The following ZMIZ2 variants were observed in gnomAD, a reference collection of about 807,000 sequenced individuals.
The protein encoded by ZMIZ2 is zinc finger MIZ-type containing 2.
A neutral mutation model predicts 93.9 loss-of-function variants in ZMIZ2; 26 were observed. The ratio of observed to expected loss-of-function variants is 0.28; its 90% CI spans 0.20 to 0.38. The LOEUF (loss-of-function observed/expected upper bound fraction) is 0.38. ZMIZ2 is among the 10% of genes least tolerant of loss of function. The probability of loss-of-function intolerance (pLI) is 1.00; values close to 1 mark genes in which losing one functional copy is unlikely to be tolerated. For missense variants in ZMIZ2, 1,023 were observed against 1,235.0 expected, an observed-to-expected ratio of 0.83 and a Z score of 2.57; for synonymous variants, 485 against 516.4, an observed-to-expected ratio of 0.94 and a Z score of 0.82.
intron 1 of ZMIZ2, among the ~76,000 whole-genome samples, chr7:44,753,559 A>T (rs544670129): frequency 1.4e-4 from 21 of 152,274 alleles, no homozygotes; most frequent in African/African-American, 5.1e-4. Context: ...AATTCTTTAT[A>T]TGTTCTAGAT....
In ZMIZ2 at chr7:44,766,363, C is replaced by A. The variant is rs1274370198; in HGVS notation, c.2412+30C>A. The A allele has an allele frequency of 6.2e-7, 1 of 1,606,936 alleles. No individual in the cohort carries two copies. Among genetic ancestry groups the A allele is most frequent in the Non-Finnish European group, 8.5e-7 (1 of 1,175,324 alleles). ...GTGCCAAGCCGAGAGGCCAAGGGGC[C>A]CTGTCTCCCCAGGGGAGCCCCTGAG... On this transcript the variant is annotated intron_variant, in intron 17 of 18. Coordinates refer to ENST00000309315, the MANE Select transcript of ZMIZ2 (RefSeq NM_031449.4). The surrounding 1 kb of genome is among the most constrained non-coding windows in gnomAD (Gnocchi z 4.4).
chr7:44,765,154 G>A lies in ZMIZ2; in HGVS notation c.1997+145G>A. On this transcript the variant is annotated intron_variant, in intron 15 of 18. Transcript: ENST00000309315. This position sits in a 1 kb window ranked among gnomAD's most constrained non-coding sequence, Gnocchi z 4.1. ...CTGGATTCCAGGCCAGAGACAGCGT[G>A]TGTGTCCTACCTGAGTGTTGGTGCT... 1 of 1,433,624 alleles carries A rather than the reference G, an allele frequency of 7.0e-7. No individual in the cohort carries two copies. The highest frequency in any genetic ancestry group is 1.3e-5 in the South Asian group (1 of 77,796). The allele number at this position is 1,433,624 out of a possible 1,614,324, so 88.8% of individuals were successfully genotyped here.
chr7:44,760,173 A>G lies in ZMIZ2; in HGVS notation c.1016A>G (p.Gln339Arg), dbSNP rs1281881769. The G allele has an allele frequency of 6.8e-6, 11 of 1,613,758 alleles. No individual in the cohort carries two copies. Among genetic ancestry groups the G allele is most frequent in the African/African-American group, 1.3e-5 (1 of 74,904 alleles). The change falls in exon 8 of 19, where the codon CAG becomes CGG. Residue 339 changes from glutamine (Q) to arginine (R), a missense_variant. Gln to Arg is a conservative substitution (Grantham distance 43). Around this residue, in one of 3 missense-constraint regions of ZMIZ2, gnomAD observed 656 missense variants for 777.1 expected, o/e 0.84. Coordinates refer to ENST00000309315, the MANE Select transcript of ZMIZ2 (RefSeq NM_031449.4). ...HYKPTEQFNG[Q>R]GASFNGGSVS... ...CAGCCCACAGAGCAGTTCAACGGGC[A>G]GGGCGCCAGCTTCAACGGGGGCAGC...
In ZMIZ2 at chr7:44,764,923, C is replaced by T. The variant is rs368100130; in HGVS notation, c.1929-18C>T. 33 of 1,613,964 alleles carry T rather than the reference C, an allele frequency of 2.0e-5. No homozygotes were observed. In the African/African-American group the frequency reaches 4.1e-4, roughly 20 times the overall value. ...GTTGTGCAAGGTCTCTGAGCTGTGT[C>T]CCTTTTTTTCCCCACAGCAAGACAG... On this transcript the variant is annotated intron_variant, in intron 14 of 18. Coordinates refer to ENST00000309315, the MANE Select transcript of ZMIZ2 (RefSeq NM_031449.4).
Position 44,761,905 on chromosome 7 carries a change from C to G in ZMIZ2, c.1596C>G (p.Cys532Trp). Residue 532 changes from cysteine (C) to tryptophan (W), a missense_variant and splice_region_variant, in exon 11 of 19, where the codon TGC becomes TGG. Physicochemically the swap from Cys to Trp is radical, Grantham distance 215 (BLOSUM62 -2). This residue lies in a region of ZMIZ2 where 656 missense variants were observed against 777.1 expected (regional missense o/e 0.84). Coordinates refer to ENST00000309315, the MANE Select transcript of ZMIZ2 (RefSeq NM_031449.4). The surrounding 1 kb of genome is among the most constrained non-coding windows in gnomAD (Gnocchi z 5.8). ...AGATCACCGTCACCGCCTGCTGCTG[C>G]GTGCGTGTCCTGCGCCGAGGGGGCG... ...TIQITVTACCCSHLFVLQLVH... is the reference protein window; with the variant it reads ...TIQITVTACCWSHLFVLQLVH... 6.6e-7 allele frequency: 1 copy of G among 1,505,326 alleles called. No individual in the cohort carries two copies. Among genetic ancestry groups the G allele is most frequent in the Non-Finnish European group, 9.0e-7 (1 of 1,111,022 alleles). 93.2% of individuals were successfully genotyped at this position (1,505,326 alleles called of 1,614,324 possible). A position where few individuals can be genotyped will look rare whatever the true frequency, so the allele number is the denominator to read the frequency against.
rs1313268421 is a variant in ZMIZ2 at position 44,765,882 on chromosome 7, C to G, written c.2243-282C>G. 1 of 1,363,468 alleles carries G rather than the reference C, an allele frequency of 7.3e-7. No homozygotes were observed. Among genetic ancestry groups the G allele is most frequent in the African/African-American group, 1.5e-5 (1 of 68,266 alleles). The allele number at this position is 1,363,468 out of a possible 1,614,324, so 84.5% of individuals were successfully genotyped here. A position where few individuals can be genotyped will look rare whatever the true frequency, so the allele number is the denominator to read the frequency against. Reference sequence around the variant, plus strand: ...TCACAGGACTGGCCCCATCTGGGGCCCCCCTCTGGGACCCACCTCACACGC... The same window carrying G: ...TCACAGGACTGGCCCCATCTGGGGCGCCCCTCTGGGACCCACCTCACACGC... On this transcript the variant is annotated intron_variant, in intron 16 of 18. Coordinates refer to ENST00000309315, the MANE Select transcript of ZMIZ2 (RefSeq NM_031449.4). This position sits in a 1 kb window ranked among gnomAD's most constrained non-coding sequence, Gnocchi z 4.1.
In ZMIZ2 at chr7:44,757,968, T is replaced by G; in HGVS notation, c.673T>G (p.Ser225Ala). Reference sequence around the variant, plus strand: ...AGGGGTAATGGGCCCCTCTGGCCTCTCCCCCTTGGCTATGAACCCCACCCG... The same window carrying G: ...AGGGGTAATGGGCCCCTCTGGCCTCGCCCCCTTGGCTATGAACCCCACCCG... The part of the protein sequence containing the change: ...IGGVMGPSGL[S>A]PLAMNPTRAA... Residue 225 changes from serine (S) to alanine (A), a missense_variant, in exon 6 of 19, where the codon TCC becomes GCC. Around this residue, in one of 3 missense-constraint regions of ZMIZ2, gnomAD observed 656 missense variants for 777.1 expected, o/e 0.84. Transcript: ENST00000309315. The G allele has an allele frequency of 6.2e-7, 1 of 1,611,618 alleles. No homozygotes were observed. Among genetic ancestry groups the G allele is most frequent in the African/African-American group, 1.3e-5 (1 of 75,010 alleles).
Position 44,762,060 on chromosome 7 carries a change from A to G in ZMIZ2, c.1596+155A>G, listed in dbSNP as rs201119917. 8 of 1,013,450 alleles carry G rather than the reference A, an allele frequency of 7.9e-6. No homozygotes were observed. The East Asian group carries it at 2.2e-4, about 28-fold the overall frequency. The allele number at this position is 1,013,450 out of a possible 1,614,324, so 62.8% of individuals were successfully genotyped here. Reference sequence around the variant, plus strand: ...CCAGGACATGGGCGGGCCGGCCTGCAGCACCATCAGATCATGCCGCCGTCT... The same window carrying G: ...CCAGGACATGGGCGGGCCGGCCTGCGGCACCATCAGATCATGCCGCCGTCT... On this transcript the variant is annotated intron_variant, in intron 11 of 18. Coordinates refer to ENST00000309315, the MANE Select transcript of ZMIZ2 (RefSeq NM_031449.4).
chr7:44,763,454 C>T lies in ZMIZ2; in HGVS notation c.1860+41C>T, dbSNP rs1791401025. On this transcript the variant is annotated intron_variant, in intron 13 of 18. Transcript: ENST00000309315. The surrounding 1 kb of genome is among the most constrained non-coding windows in gnomAD (Gnocchi z 5.6). ...AGAGTCTTGCCGGAATTTGCTGCTG[C>T]TAAAATATCTTGAGTCGATACATCA... 6.2e-7 allele frequency: 1 copy of T among 1,609,316 alleles called. No homozygotes were observed. The highest frequency in any genetic ancestry group is 8.5e-7 in the Non-Finnish European group (1 of 1,176,932).
chr7:44,766,710 G>T lies in ZMIZ2; in HGVS notation c.2655+47G>T, dbSNP rs1791747826. On this transcript the variant is annotated intron_variant, in intron 18 of 18. Transcript: ENST00000309315. The surrounding 1 kb of genome is among the most constrained non-coding windows in gnomAD (Gnocchi z 4.4). ...GGGGAGTGCGTGGGAGCCAGGGCTA[G>T]AGGTGGTGTGTCTGTTCCAGGTGCG... 1.2e-6 allele frequency: 2 copies of T among 1,602,310 alleles called. No homozygotes were observed. Among genetic ancestry groups the T allele is most frequent in the East Asian group, 4.5e-5 (2 of 44,626 alleles).
chr7:44,767,712 T>A lies in ZMIZ2; in HGVS notation c.*89T>A. 8.1e-7 allele frequency: 1 copy of A among 1,231,922 alleles called. No homozygotes were observed. Among genetic ancestry groups the A allele is most frequent in the Non-Finnish European group, 1.2e-6 (1 of 851,088 alleles). The allele number at this position is 1,231,922 out of a possible 1,614,324, so 76.3% of individuals were successfully genotyped here. A position where few individuals can be genotyped will look rare whatever the true frequency, so the allele number is the denominator to read the frequency against. Reference sequence around the variant, plus strand: ...ATGCCCAGCCCCATGGGACACCCGGTGGTCTTTCCCAAACCTCCCCCAAAA... The same window carrying A: ...ATGCCCAGCCCCATGGGACACCCGGAGGTCTTTCCCAAACCTCCCCCAAAA... On this transcript the variant is annotated 3_prime_UTR_variant, in exon 19 of 19. Coordinates refer to ENST00000309315, the MANE Select transcript of ZMIZ2 (RefSeq NM_031449.4).
intron 1 of ZMIZ2, among the ~76,000 whole-genome samples, chr7:44,754,052 CCA>C (rs1790380511): frequency 1.3e-5 from 2 of 152,194 alleles, no homozygotes; most frequent in African/African-American, 4.8e-5. Flanking sequence ...CATGTTGGTA[CCA>C]CACAGTTTTG....
At chr7:44,762,834 G>A in intron 11 of ZMIZ2, 47 bp from the exon 12 acceptor site, 1 of 1,510,812 alleles carries the variant, frequency 6.6e-7, no homozygotes, top group Non-Finnish European at 9.0e-7. Flanking sequence ...GGCCAGGGTG[G>A]CCCCTGGCCC....
At chr7:44,767,480 G>T in intron 18 of ZMIZ2, 36 bp from the exon 19 acceptor site, 1 of 1,568,122 alleles carries the variant, frequency 6.4e-7, no homozygotes, top group South Asian at 1.1e-5. Flanking sequence ...GCCAGTCAGT[G>T]ACCAAAGCTG....
At chr7:44,760,848 T>TAA (rs11323295) in intron 9 of ZMIZ2, among the ~76,000 whole-genome samples, 4 of 136,136 alleles carry the variant, frequency 2.9e-5, no homozygotes, top group African/African-American at 8.2e-5. Flanking sequence ...GACCCTGTCT[T>TAA]AAAAAAAAAA....
At position 44,766,493 on chromosome 7, in the gene ZMIZ2, G is replaced by A; in HGVS notation, c.2485G>A (p.Ala829Thr). The A allele has an allele frequency of 6.2e-7, 1 of 1,614,128 alleles. No individual in the cohort carries two copies. Among genetic ancestry groups the A allele is most frequent in the Non-Finnish European group, 8.5e-7 (1 of 1,180,024 alleles). Residue 829 changes from alanine (A) to threonine (T), a missense_variant, in exon 18 of 19, where the codon GCC (alanine) becomes ACC (threonine). Coordinates refer to ENST00000309315, the MANE Select transcript of ZMIZ2 (RefSeq NM_031449.4). The surrounding 1 kb of genome is among the most constrained non-coding windows in gnomAD (Gnocchi z 4.4). The part of the protein sequence containing the change: ...TPGLHTSNLG[A>T]PPGPQLHHSN... Reference sequence around the variant, plus strand: ...AGGACTACACACCTCCAACCTTGGGGCCCCTCCAGGTCCCCAGCTGCACCA... The same window carrying A: ...AGGACTACACACCTCCAACCTTGGGACCCCTCCAGGTCCCCAGCTGCACCA...
At chr7:44,764,343 A>C in intron 13 of ZMIZ2, 76 bp from the exon 14 acceptor site, 1 of 1,394,156 alleles carries the variant, frequency 7.2e-7, no homozygotes, top group Non-Finnish European at 1.0e-6. Flanking sequence ...CATTCCTGAA[A>C]AGGGATTGCA....
intron 1 of ZMIZ2, among the ~76,000 whole-genome samples, chr7:44,753,211 A>ATTTT (rs35194113): frequency 6.9e-6 from 1 of 144,862 alleles, no homozygotes; most frequent in Admixed American, 6.8e-5. Context: ...TTTAATTTTA[A>ATTTT]TTTTTTTTTT....
Position 44,763,584 on chromosome 7 carries a change from T to C in ZMIZ2, c.1860+171T>C. ...CAGGTGGGCCTGGCTCCCCCAAGACTAGGCTATTTTTTCTTCCAAATATAA... is the reference window on the plus strand; with the variant it reads ...CAGGTGGGCCTGGCTCCCCCAAGACCAGGCTATTTTTTCTTCCAAATATAA... On this transcript the variant is annotated intron_variant, in intron 13 of 18. Transcript: ENST00000309315. The surrounding 1 kb of genome is among the most constrained non-coding windows in gnomAD (Gnocchi z 5.6). 1.3e-6 allele frequency: 1 copy of C among 799,894 alleles called. No homozygotes were observed. The highest frequency in any genetic ancestry group is 1.9e-6 in the Non-Finnish European group (1 of 524,478). The allele number at this position is 799,894 out of a possible 1,614,324, so 49.5% of individuals were successfully genotyped here.
Sources: gnomAD v4.1 joint callset for allele counts (sites outside exome capture counted in the v4.1 genomes callset) on GRCh38, gnomAD v4.1.1 for gene constraint, gnomAD v4.1.1 regional missense constraint, Gnocchi (gnomAD v3.1) non-coding constraint, MANE v1.5 for transcripts, NCBI Gene and HGNC (gene_info 2026-07-23, HGNC 2026-07-21) for gene names.